EXOC6B: variants seen among roughly 807,000 people sequenced by gnomAD.
The protein encoded by EXOC6B is exocyst complex component 6B.
Under a neutral mutation model 113.5 loss-of-function variants are expected in EXOC6B, and 54 were observed. The observed-to-expected ratio is 0.48, with a 90% CI of 0.38 to 0.60. EXOC6B has a LOEUF of 0.60. Ranked by LOEUF, EXOC6B falls within the 20% of genes least tolerant of loss-of-function variation. EXOC6B has a pLI of 0.00. For synonymous variants in EXOC6B, 357 were observed against 339.0 expected (o/e 1.05, Z -0.58); for missense variants, 797 against 977.5 (o/e 0.82, Z 2.46).
chr2:72,241,387 A>C (rs1286266237), intron 20 of EXOC6B, among the ~76,000 whole-genome samples: 2 of 152,330 alleles, frequency 1.3e-5, no homozygotes, highest in East Asian at 1.9e-4. Flanking sequence ...GACAATTGCA[A>C]AAGGTGCAAT....
intron 18 of EXOC6B, among the ~76,000 whole-genome samples, chr2:72,460,949 G>A (rs1402291682): frequency 1.3e-5 from 2 of 151,226 alleles, no homozygotes; most frequent in Non-Finnish European, 2.9e-5. Flanking sequence ...CAAAGACTTG[G>A]AACCAACCCA....
chr2:72,318,550 G>A (rs1021909358), intron 20 of EXOC6B, among the ~76,000 whole-genome samples: 1 of 151,964 alleles, frequency 6.6e-6, no homozygotes, highest in African/African-American at 2.4e-5. Context: ...CATACCACAT[G>A]CCCGGCCAAT....
Position 72,699,412 on chromosome 2 carries a change from A to G in EXOC6B, c.669+18691T>C, listed in dbSNP as rs1678131768. 2.0e-5 allele frequency among the ~76,000 whole-genome samples: 3 copies of G among 150,408 alleles called. No homozygotes were observed. In the Admixed American group the frequency reaches 2.0e-4, roughly 10 times the overall value. On this transcript the variant is annotated intron_variant, in intron 6 of 21. Transcript: ENST00000272427. ...AGAATCACTTGAACCCAGGAGGCAG[A>G]GGTTGCAGTGAGCCAAGATCGCGCC...
chr2:72,360,423 C>G (rs1690241142), intron 19 of EXOC6B, among the ~76,000 whole-genome samples: 1 of 152,106 alleles, frequency 6.6e-6, no homozygotes, highest in South Asian at 2.1e-4. Context: ...AGTTCATTTC[C>G]CAGGATGGAA....
chr2:72,427,181 G>T (rs532589892), intron 18 of EXOC6B, among the ~76,000 whole-genome samples: 1 of 152,350 alleles, frequency 6.6e-6, no homozygotes, highest in East Asian at 1.9e-4. Context: ...AGTGGGGCCT[G>T]GCCGAGCCAC....
At chr2:72,627,064 T>C (rs1672096507) in intron 6 of EXOC6B, among the ~76,000 whole-genome samples, 1 of 152,128 alleles carries the variant, frequency 6.6e-6, no homozygotes, top group African/African-American at 2.4e-5. Context: ...ATCAGATAAA[T>C]AACATATGTT....
At chr2:72,679,089 C>T (rs79970063) in intron 6 of EXOC6B, among the ~76,000 whole-genome samples, 1 of 150,576 alleles carries the variant, frequency 6.6e-6, no homozygotes, top group Non-Finnish European at 1.5e-5. Context: ...TTTTTTTAAA[C>T]AGAGTCTGAT....
chr2:72,510,314 T>C (rs1700827159), intron 11 of EXOC6B, among the ~76,000 whole-genome samples: 1 of 152,032 alleles, frequency 6.6e-6, no homozygotes, highest in Non-Finnish European at 1.5e-5. Context: ...AAATGAGCAA[T>C]ACCTAGAACC....
At chr2:72,513,939 GA>G (rs1342601567) in intron 10 of EXOC6B, among the ~76,000 whole-genome samples, 1 of 151,832 alleles carries the variant, frequency 6.6e-6, no homozygotes, top group Non-Finnish European at 1.5e-5. Flanking sequence ...ATTTAAATCT[GA>G]AAAAAATAAA....
chr2:72,444,015 C>G (rs1187510332), intron 18 of EXOC6B, among the ~76,000 whole-genome samples: 3 of 152,170 alleles, frequency 2.0e-5, no homozygotes. Context: ...AGTCCAAAGT[C>G]TCAATTGAGA....
At chr2:72,657,141 G>A (rs1483135877) in intron 6 of EXOC6B, among the ~76,000 whole-genome samples, 1 of 150,182 alleles carries the variant, frequency 6.7e-6, no homozygotes, top group Admixed American at 6.6e-5. Context: ...GTGAGCCACC[G>A]TGCCTGGCCA....
intron 11 of EXOC6B, among the ~76,000 whole-genome samples, chr2:72,500,249 A>T (rs1468215671): frequency 6.6e-6 from 1 of 152,206 alleles, no homozygotes; most frequent in South Asian, 2.1e-4. Flanking sequence ...AGAAGAAAAC[A>T]AAATTGACAC....
At chr2:72,244,249 G>T (rs62147624) in intron 20 of EXOC6B, among the ~76,000 whole-genome samples, 5,811 of 152,196 alleles carry the variant, frequency 0.038, 137 homozygotes, top group Non-Finnish European at 0.051. Flanking sequence ...AAAAAAGAAA[G>T]ATGGCTGAGA....
rs145523809 is a variant in EXOC6B, at chr2:72,563,354, A to G, written c.847-3833T>C. Among the ~76,000 whole-genome samples, 747 of 152,282 alleles carry G rather than the reference A, an allele frequency of 4.9e-3. 10 individuals carry two copies. The highest frequency in any genetic ancestry group is 0.017 in the African/African-American group (694 of 41,560). On this transcript the variant is annotated intron_variant, in intron 7 of 21. Transcript: ENST00000272427. ...CACTAGATACCAATACATATGGCTA[A>G]TCTGTTCGTTTCAATACATGATTCT... is the stretch of plus-strand genomic sequence containing the variant.
At chr2:72,433,752 AT>A (rs1285225836) in intron 18 of EXOC6B, among the ~76,000 whole-genome samples, 11 of 152,102 alleles carry the variant, frequency 7.2e-5, no homozygotes, top group Admixed American at 3.9e-4. Context: ...TTGCACATTG[AT>A]TTTGTATCCT....
At chr2:72,255,718 CATATCT>C (rs1324219506) in intron 20 of EXOC6B, among the ~76,000 whole-genome samples, 1 of 152,140 alleles carries the variant, frequency 6.6e-6, no homozygotes. Context: ...GAGGGCCACC[CATATCT>C]AACGTAGATG....
chr2:72,671,500 C>T (rs899462789), intron 6 of EXOC6B, among the ~76,000 whole-genome samples: 14 of 151,848 alleles, frequency 9.2e-5, no homozygotes, highest in African/African-American at 3.4e-4. Flanking sequence ...AGTTTGAGAC[C>T]AGTTGCCAAC....
At chr2:72,720,645 T>C (rs1340470710) in intron 5 of EXOC6B, among the ~76,000 whole-genome samples, 1 of 151,870 alleles carries the variant, frequency 6.6e-6, no homozygotes, top group Non-Finnish European at 1.5e-5. Flanking sequence ...CCCAACTACT[T>C]GGGAAGCTGA....
chr2:72,364,175 T>C (rs1690475386), intron 19 of EXOC6B, among the ~76,000 whole-genome samples: 1 of 152,092 alleles, frequency 6.6e-6, no homozygotes, highest in Admixed American at 6.6e-5. Context: ...ATTTTATGTA[T>C]CATTTCTTTA....
Sources: allele counts gnomAD v4.1 joint callset (sites outside exome capture counted in the v4.1 genomes callset), GRCh38; gene constraint gnomAD v4.1.1; transcripts MANE v1.5; gene names NCBI Gene and HGNC (gene_info 2026-07-23, HGNC 2026-07-21).